IRAK1BP1: variants seen among roughly 807,000 people sequenced by gnomAD.
The protein encoded by IRAK1BP1 is interleukin-1 receptor-associated kinase 1-binding protein 1.
In IRAK1BP1, 24 loss-of-function variants were observed where a neutral mutation model predicts 28.0. That is an observed-to-expected ratio of 0.86 (90% CI 0.62 to 1.20). IRAK1BP1 has a LOEUF of 1.20. Ranked by LOEUF, IRAK1BP1 falls within the 50% of genes most tolerant of loss-of-function variation. The pLI, the probability that IRAK1BP1 is intolerant of heterozygous loss-of-function variation, is 0.00. For synonymous variants in IRAK1BP1, 131 were observed against 116.3 expected, an observed-to-expected ratio of 1.13 and a Z score of -0.81; for missense variants, 336 against 316.7, an observed-to-expected ratio of 1.06 and a Z score of -0.46.
At chr6:78,908,571 C>T (rs1407213283) in intron 4 of IRAK1BP1, among the ~76,000 whole-genome samples, 1 of 152,114 alleles carries the variant, frequency 6.6e-6, no homozygotes, top group Non-Finnish European at 1.5e-5. Context: ...AAACTCCTGG[C>T]CTCAGCTTAT....
At chr6:78,952,069 C>A in the IRAK1BP1 span, among the ~76,000 whole-genome samples, 5 of 152,082 alleles carry the variant, frequency 3.3e-5, no homozygotes, top group South Asian at 1.0e-3. Flanking sequence ...GGTAAAGATT[C>A]TTTTCTTGTA....
At chr6:78,922,714 C>T (rs1484712480) in intron 4 of IRAK1BP1, among the ~76,000 whole-genome samples, 2 of 152,218 alleles carry the variant, frequency 1.3e-5, no homozygotes, top group African/African-American at 4.8e-5. Context: ...ATCAGACTAA[C>T]AGCTGATCTC....
chr6:78,911,799 T>C (rs1223390009), intron 4 of IRAK1BP1, among the ~76,000 whole-genome samples: 1 of 152,196 alleles, frequency 6.6e-6, no homozygotes, highest in African/African-American at 2.4e-5. Flanking sequence ...TCTGTTACCC[T>C]CGTCATTTAC....
At chr6:78,932,168 G>A (rs1582057713) in intron 4 of IRAK1BP1, among the ~76,000 whole-genome samples, 1 of 152,080 alleles carries the variant, frequency 6.6e-6, no homozygotes, top group Admixed American at 6.5e-5. Context: ...TCTAGTTCTC[G>A]AGCTATTTCC....
chr6:78,895,011 GAC>G (rs1771828413), intron 2 of IRAK1BP1, among the ~76,000 whole-genome samples: 1 of 151,800 alleles, frequency 6.6e-6, no homozygotes, highest in African/African-American at 2.4e-5. Flanking sequence ...AGCAGGCTAA[GAC>G]AGGAGAATCG....
At chr6:78,967,914 C>G in the IRAK1BP1 span, among the ~76,000 whole-genome samples, 1 of 151,866 alleles carries the variant, frequency 6.6e-6, no homozygotes, top group African/African-American at 2.4e-5. Context: ...GCGGGCGGAT[C>G]ACAAGGTCAG....
intron 2 of IRAK1BP1, 83 bp from the exon 3 acceptor site, chr6:78,897,746 T>C: frequency 5.0e-6 from 6 of 1,205,180 alleles, no homozygotes; most frequent in Non-Finnish European, 7.0e-6. Context: ...ATAGTCTGGC[T>C]ATACTTTTTT....
At chr6:78,929,510 T>C (rs1272650172) in intron 4 of IRAK1BP1, among the ~76,000 whole-genome samples, 1 of 151,560 alleles carries the variant, frequency 6.6e-6, no homozygotes, top group Non-Finnish European at 1.5e-5. Flanking sequence ...GATATAAAGA[T>C]GGAAACAATA....
downstream of IRAK1BP1, among the ~76,000 whole-genome samples, chr6:78,951,078 C>A (rs1449499778): frequency 1.3e-5 from 2 of 152,098 alleles, no homozygotes; most frequent in African/African-American, 4.8e-5. Context: ...TTTAAATTCC[C>A]ATGAGATTTG....
intron 4 of IRAK1BP1, among the ~76,000 whole-genome samples, chr6:78,919,804 G>A (rs946971159): frequency 3.3e-5 from 5 of 152,002 alleles, no homozygotes; most frequent in Non-Finnish European, 7.4e-5. Context: ...AAAAATCAAG[G>A]AGGAGGGACT....
intron 2 of IRAK1BP1, among the ~76,000 whole-genome samples, chr6:78,896,839 A>T (rs1351079602): frequency 6.8e-6 from 1 of 147,704 alleles, no homozygotes; most frequent in Admixed American, 6.8e-5. Flanking sequence ...AAAAAAAAAA[A>T]TTATGATTAA....
downstream of IRAK1BP1, among the ~76,000 whole-genome samples, chr6:78,906,040 T>G (rs189736846): frequency 1.9e-4 from 29 of 152,268 alleles, no homozygotes; most frequent in Non-Finnish European, 3.7e-4. Context: ...GTAGTATAGT[T>G]GTAATGCTAC....
the IRAK1BP1 span, chr6:78,961,954 G>A: frequency 1.6e-6 from 1 of 623,696 alleles, no homozygotes; most frequent in Non-Finnish European, 2.7e-6. Context: ...ATATAGTGTA[G>A]CTGACATAAA....
intron 1 of IRAK1BP1, among the ~76,000 whole-genome samples, chr6:78,875,838 T>G (rs964277763): frequency 6.6e-6 from 1 of 152,142 alleles, no homozygotes; most frequent in African/African-American, 2.4e-5. Context: ...GTAACAAACA[T>G]GCACATGTAC....
the IRAK1BP1 span, chr6:78,963,053 G>A: frequency 6.6e-7 from 1 of 1,515,060 alleles, no homozygotes; most frequent in East Asian, 2.4e-5. Context: ...CCATTACTTT[G>A]TGTTCTGCCA....
the IRAK1BP1 span, among the ~76,000 whole-genome samples, chr6:78,951,728 CTGCATTCTTATATATTTCCCTTTTAA>C: frequency 6.6e-6 from 1 of 152,152 alleles, no homozygotes; most frequent in Non-Finnish European, 1.5e-5. Context: ...TAAAAGATGA[CTGCATTCTTATATATTTCCCTTTTAA>C]GTTTGAAAAG....
At chr6:78,961,899 C>A in the IRAK1BP1 span, 1 of 990,492 alleles carries the variant, frequency 1.0e-6, no homozygotes, top group Non-Finnish European at 1.5e-6. Flanking sequence ...CTTAAAAAGT[C>A]CTAATCTACA....
chr6:78,867,956 C>A, intron 1 of IRAK1BP1, 65 bp downstream of exon 1: 6 of 1,441,870 alleles, frequency 4.2e-6, no homozygotes, highest in Non-Finnish European at 5.5e-6. Flanking sequence ...GATGGTCGGG[C>A]CCCACAGGCC....
chr6:78,921,423 C>T (rs1228762293), intron 4 of IRAK1BP1, among the ~76,000 whole-genome samples: 1 of 152,204 alleles, frequency 6.6e-6, no homozygotes, highest in Non-Finnish European at 1.5e-5. Context: ...ACAAAGCAAC[C>T]GGGAAGCTCG....
Sources: gnomAD v4.1 joint callset for allele counts (sites outside exome capture counted in the v4.1 genomes callset) on GRCh38, gnomAD v4.1.1 for gene constraint, MANE v1.5 for transcripts, NCBI Gene and HGNC (gene_info 2026-07-23, HGNC 2026-07-21) for gene names.